NOL4L: variants seen among roughly 807,000 people sequenced by gnomAD.
NOL4L encodes the protein nucleolar protein 4 like, also known as nucleolar protein 4-like.
In NOL4L, 7 loss-of-function variants were observed where a neutral mutation model predicts 64.5. The ratio of observed to expected loss-of-function variants is 0.11; its 90% CI spans 0.06 to 0.20. The LOEUF (loss-of-function observed/expected upper bound fraction) is 0.20. Among genes scored for constraint, NOL4L ranks in the 10% least tolerant of loss-of-function variants. The pLI is 1.00. For missense variants in NOL4L, 680 were observed against 967.1 expected, an observed-to-expected ratio of 0.70 and a Z score of 3.94; for synonymous variants, 413 against 401.0, an observed-to-expected ratio of 1.03 and a Z score of -0.36.
At position 32,510,245 on chromosome 20, in the gene NOL4L, A is replaced by G. The variant is rs918520084; in HGVS notation, c.699+1102T>C. 8.7e-6 allele frequency: 3 copies of G among 345,700 alleles called. No homozygotes were observed. In the Admixed American group the frequency reaches 1.1e-4, roughly 13 times the overall value. The allele number at this position is 345,700 out of a possible 1,614,324, so 21.4% of individuals were successfully genotyped here. ...AGCAAACAGTTCTACCGCTCAGAGC[A>G]AAGCCTACGTCACACAGCCTCTAGG... On this transcript the variant is annotated intron_variant, in intron 4 of 10. Transcript: ENST00000621426.
intron 1 of NOL4L, among the ~76,000 whole-genome samples, chr20:32,556,694 A>T (rs1267850830): frequency 2.0e-5 from 3 of 152,154 alleles, no homozygotes; most frequent in African/African-American, 4.8e-5. Flanking sequence ...CCTCAGCCCC[A>T]GGGGAAACTG....
chr20:32,469,234 G>C (rs2014817292), intron 5 of NOL4L, among the ~76,000 whole-genome samples: 1 of 152,116 alleles, frequency 6.6e-6, no homozygotes, highest in Non-Finnish European at 1.5e-5. Context: ...TGAGAAAAAA[G>C]GCGCCAATAC....
chr20:32,482,829 C>G (rs2015819152), intron 4 of NOL4L, among the ~76,000 whole-genome samples: 1 of 150,418 alleles, frequency 6.6e-6, no homozygotes, highest in South Asian at 2.1e-4. Flanking sequence ...CCTCACATCC[C>G]CAAACACAGT....
At position 32,457,221 on chromosome 20, in the gene NOL4L, A is replaced by C. The variant is rs541977269; in HGVS notation, c.842-826T>G. 1.7e-3 allele frequency among the ~76,000 whole-genome samples: 258 copies of C among 152,288 alleles called. 1 individual carries two copies. The highest frequency in any genetic ancestry group is 6.0e-3 in the African/African-American group (250 of 41,568). ...GACCAGACAGTTCCAGATACATTCCAGGCCTCTCTGCCCACCCAGCCCCAG... is the reference window on the plus strand; with the variant it reads ...GACCAGACAGTTCCAGATACATTCCCGGCCTCTCTGCCCACCCAGCCCCAG... On this transcript the variant is annotated intron_variant, in intron 5 of 10. Transcript: ENST00000621426.
At chr20:32,535,710 T>A in intron 1 of NOL4L, 1 of 985,478 alleles carries the variant, frequency 1.0e-6, no homozygotes, top group Non-Finnish European at 1.2e-6. Context: ...GAGTCTTTTT[T>A]CTCTTTCTTT....
intron 1 of NOL4L, among the ~76,000 whole-genome samples, chr20:32,534,076 G>A (rs1036455299): frequency 2.6e-5 from 4 of 152,240 alleles, no homozygotes; most frequent in Admixed American, 2.6e-4. Flanking sequence ...TGGGATCACA[G>A]TTTTAGGCCA....
At position 32,446,413 on chromosome 20, in the gene NOL4L, GA is replaced by G; in HGVS notation, c.*1182del. 6.6e-6 allele frequency: 1 copy of G among 152,468 alleles called. No homozygotes were observed. Among genetic ancestry groups the G allele is most frequent in the East Asian group, 1.9e-4 (1 of 5,182 alleles). The allele number at this position is 152,468 out of a possible 1,614,324, so 9.4% of individuals were successfully genotyped here. A position where few individuals can be genotyped will look rare whatever the true frequency, so the allele number is the denominator to read the frequency against. The stretch of plus-strand genomic sequence containing the variant: ...CTCCAAACATGGCGCAAGGGGATGG[GA>G]GCTGCAGCCCGCCCTGGAGCTCACG... On this transcript the variant is annotated 3_prime_UTR_variant, in exon 11 of 11. Coordinates refer to ENST00000621426, the MANE Select transcript of NOL4L (RefSeq NM_001256798.2).
At position 32,453,754 on chromosome 20, in the gene NOL4L, G is replaced by A. The variant is rs563159052; in HGVS notation, c.1127C>T (p.Pro376Leu). Residue 376 changes from proline (P) to leucine (L), a missense_variant, in exon 7 of 11, where the codon CCC becomes CTC. Pro to Leu is a moderately conservative substitution (Grantham distance 98). Around this residue, in one of 4 missense-constraint regions of NOL4L, gnomAD observed 254 missense variants for 238.7 expected, o/e 1.06. Coordinates refer to ENST00000621426, the MANE Select transcript of NOL4L (RefSeq NM_001256798.2). This position sits in a 1 kb window ranked among gnomAD's most constrained non-coding sequence, Gnocchi z 5.6. ...YGVKTTPESPPYSSGSYDSIK... is the reference protein window; with the variant it reads ...YGVKTTPESPLYSSGSYDSIK... ...GGAATCGTAGCTCCCAGAGCTGTAG[G>A]GGGGGGACTAAAAGGAGGGCAAGAG... 1.9e-5 allele frequency: 29 copies of A among 1,552,812 alleles called. No individual in the cohort carries two copies. Among genetic ancestry groups the A allele is most frequent in the Non-Finnish European group, 2.0e-5 (23 of 1,147,552 alleles).
intron 4 of NOL4L, among the ~76,000 whole-genome samples, chr20:32,499,263 G>A (rs1479590315): frequency 6.6e-6 from 1 of 152,018 alleles, no homozygotes; most frequent in East Asian, 1.9e-4. Flanking sequence ...CATGTTTAGA[G>A]CCCCCCGATC....
Position 32,527,648 on chromosome 20 carries a change from C to A in NOL4L, c.477+110G>T, listed in dbSNP as rs2018182608. The A allele has an allele frequency of 6.8e-6, 9 of 1,323,950 alleles. No homozygotes were observed. In the East Asian group the frequency reaches 2.1e-4, roughly 30 times the overall value. The allele number at this position is 1,323,950 out of a possible 1,614,324, so 82.0% of individuals were successfully genotyped here. ...CCCCCTAGATCCCCAAAGGCCGTTT[C>A]ATCACGCCTCAGCTCCCTGCCCCGC... On this transcript the variant is annotated intron_variant, in intron 2 of 10. Transcript: ENST00000621426.
chr20:32,565,296 CAG>C (rs1444198749), intron 1 of NOL4L, among the ~76,000 whole-genome samples: 3 of 152,204 alleles, frequency 2.0e-5, no homozygotes, highest in Admixed American at 2.0e-4. Context: ...AGACCTGCCC[CAG>C]ACTCTGCCTG....
At chr20:32,493,544 A>C (rs1482919405) in intron 4 of NOL4L, among the ~76,000 whole-genome samples, 1 of 152,188 alleles carries the variant, frequency 6.6e-6, no homozygotes, top group African/African-American at 2.4e-5. Flanking sequence ...CATCTCTAAA[A>C]TGAGGAAACA....
At position 32,453,752 on chromosome 20, in the gene NOL4L, A is replaced by T; in HGVS notation, c.1129T>A (p.Tyr377Asn). Reference sequence around the variant, plus strand: ...ATGGAATCGTAGCTCCCAGAGCTGTAGGGGGGGGACTAAAAGGAGGGCAAG... The same window carrying T: ...ATGGAATCGTAGCTCCCAGAGCTGTTGGGGGGGGACTAAAAGGAGGGCAAG... ...GVKTTPESPP[Y>N]SSGSYDSIKT... The change falls in exon 7 of 11, where the codon TAC becomes AAC. Residue 377 changes from tyrosine to asparagine, a missense_variant. Coordinates refer to ENST00000621426, the MANE Select transcript of NOL4L (RefSeq NM_001256798.2). This position sits in a 1 kb window ranked among gnomAD's most constrained non-coding sequence, Gnocchi z 5.6. 6.4e-7 allele frequency: 1 copy of T among 1,552,240 alleles called. No homozygotes were observed.
At chr20:32,506,389 C>T (rs185077585) in intron 4 of NOL4L, among the ~76,000 whole-genome samples, 6 of 152,114 alleles carry the variant, frequency 3.9e-5, no homozygotes, top group Admixed American at 2.0e-4. Context: ...AGGCCCGGCA[C>T]GGTGGCTCAC....
At chr20:32,532,342 G>A in intron 1 of NOL4L, 1 of 985,396 alleles carries the variant, frequency 1.0e-6, no homozygotes, top group Non-Finnish European at 1.2e-6. Flanking sequence ...GGTGAGCTAG[G>A]GCCACCTGGA....
rs568479133 is a variant in NOL4L, at chr20:32,464,487, G to A, written c.842-8092C>T. 2.0e-5 allele frequency among the ~76,000 whole-genome samples: 3 copies of A among 152,326 alleles called. No individual in the cohort carries two copies. Among genetic ancestry groups the A allele is most frequent in the East Asian group, 1.9e-4 (1 of 5,180 alleles). On this transcript the variant is annotated intron_variant, in intron 5 of 10. Coordinates refer to ENST00000621426, the MANE Select transcript of NOL4L (RefSeq NM_001256798.2). The surrounding 1 kb of genome is among the most constrained non-coding windows in gnomAD (Gnocchi z 5.6). ...CACAGCCTGGCCCGGCCCCAGCCAC[G>A]GAGCAGGGAGCCCATGCCCCCCATC...
chr20:32,513,861 A>G (rs570772123), intron 3 of NOL4L, among the ~76,000 whole-genome samples: 25 of 152,268 alleles, frequency 1.6e-4, no homozygotes, highest in Non-Finnish European at 2.8e-4. Context: ...AACAGAAACA[A>G]ACAAACAAAA....
At chr20:32,551,417 G>A (rs2018800677) in intron 1 of NOL4L, among the ~76,000 whole-genome samples, 1 of 151,476 alleles carries the variant, frequency 6.6e-6, no homozygotes, top group Non-Finnish European at 1.5e-5. Context: ...TCATCATCGT[G>A]AGCATCATCC....
chr20:32,481,969 G>T lies in NOL4L; in HGVS notation c.700-7227C>A, dbSNP rs890045488. 8.7e-5 allele frequency among the ~76,000 whole-genome samples: 13 copies of T among 149,068 alleles called. 1 individual carries two copies. The highest frequency in any genetic ancestry group is 6.6e-4 in the South Asian group (3 of 4,536). On this transcript the variant is annotated intron_variant, in intron 4 of 10. Transcript: ENST00000621426. ...TGTGAGTTGGTGGGGCGGGGCGGGG[G>T]GGGGGGAGCAGGCTGGGGTTGCCAG...
Sources: allele counts gnomAD v4.1 joint callset (sites outside exome capture counted in the v4.1 genomes callset), GRCh38; gene constraint gnomAD v4.1.1; regional missense constraint gnomAD v4.1.1; non-coding constraint Gnocchi (gnomAD v3.1); transcripts MANE v1.5; gene names NCBI Gene and HGNC (gene_info 2026-07-23, HGNC 2026-07-21).